Variants in SEMA3A observed in about 807,000 individuals in gnomAD.
The protein encoded by SEMA3A is semaphorin 3A.
SEMA3A carries 29 observed loss-of-function variants against 97.9 expected under a neutral mutation model. That is an observed-to-expected ratio of 0.30 (90% CI 0.22 to 0.40). The LOEUF is 0.40. SEMA3A is among the 10% of genes least tolerant of loss of function. The probability of loss-of-function intolerance (pLI) is 1.00; values close to 1 mark genes in which losing one functional copy is unlikely to be tolerated. For synonymous variants in SEMA3A, 321 were observed against 323.7 expected (o/e 0.99, Z 0.09); for missense variants, 763 against 951.3 (o/e 0.80, Z 2.60).
chr7:83,999,155 T>C (rs1790337615), intron 12 of SEMA3A, among the ~76,000 whole-genome samples: 1 of 152,152 alleles, frequency 6.6e-6, no homozygotes, highest in Admixed American at 6.5e-5. Context: ...ACCACTGTCA[T>C]ATGTGGGATT....
chr7:83,980,206 G>A (rs2116314812), intron 14 of SEMA3A, among the ~76,000 whole-genome samples: 1 of 152,114 alleles, frequency 6.6e-6, no homozygotes, highest in South Asian at 2.1e-4. Context: ...TTTTTGAAAG[G>A]GCTATTTTGT....
intron 3 of SEMA3A, among the ~76,000 whole-genome samples, chr7:84,279,787 G>T (rs1165775784): frequency 6.6e-6 from 1 of 152,164 alleles, no homozygotes; most frequent in African/African-American, 2.4e-5. Flanking sequence ...CTAATAGTTG[G>T]AAGCCAGTGT....
intron 1 of SEMA3A, among the ~76,000 whole-genome samples, chr7:84,486,674 C>T (rs1321675567): frequency 6.6e-6 from 1 of 152,096 alleles, no homozygotes; most frequent in African/African-American, 2.4e-5. Flanking sequence ...ACAAAGAGGA[C>T]CTGAGCCCCA....
At chr7:83,987,846 C>T (rs1183816789) in intron 12 of SEMA3A, among the ~76,000 whole-genome samples, 1 of 152,164 alleles carries the variant, frequency 6.6e-6, no homozygotes, top group East Asian at 1.9e-4. Context: ...GAATAGTCTA[C>T]ACTCACTGCT....
At chr7:83,967,293 A>C (rs1788735369) in intron 15 of SEMA3A, among the ~76,000 whole-genome samples, 1 of 152,200 alleles carries the variant, frequency 6.6e-6, no homozygotes, top group African/African-American at 2.4e-5. Flanking sequence ...CCACTGGCAT[A>C]AATTTTGTAC....
chr7:84,051,337 C>T (rs75654756), intron 5 of SEMA3A, among the ~76,000 whole-genome samples: 83,222 of 150,852 alleles, frequency 0.55, 24,745 homozygotes, highest in Non-Finnish European at 0.67. Flanking sequence ...TCTTCCTACC[C>T]ATGAGCATGG....
At position 84,308,824 on chromosome 7, in the gene SEMA3A, C is replaced by CTTTT. The variant is rs35125279; in HGVS notation, c.-168-1536_-168-1533dup. Among the ~76,000 whole-genome samples the CTTTT allele has an allele frequency of 3.8e-3, 554 of 144,924 alleles. 4 individuals are homozygous for CTTTT. Among genetic ancestry groups the CTTTT allele is most frequent in the African/African-American group, 9.5e-3 (373 of 39,092 alleles). On this transcript the variant is annotated intron_variant, in intron 2 of 3. Coordinates refer to the SEMA3A transcript ENST00000424555. The stretch of plus-strand genomic sequence containing the variant: ...ATGAGAGAAATATCACTTTTTTTTT[C>CTTTT]TTTTTTTTTTGAGATGGAGTTTCAC...
intron 1 of SEMA3A, among the ~76,000 whole-genome samples, chr7:84,142,598 G>C (rs1796325230): frequency 6.6e-6 from 1 of 152,104 alleles, no homozygotes; most frequent in African/African-American, 2.4e-5. Flanking sequence ...TTTTGGAAAA[G>C]TTTGTTACCT....
intron 1 of SEMA3A, among the ~76,000 whole-genome samples, chr7:84,154,144 T>A (rs2116136967): frequency 6.6e-6 from 1 of 152,246 alleles, no homozygotes; most frequent in East Asian, 1.9e-4. Flanking sequence ...GATAGAACCA[T>A]TTTTTAATAT....
At chr7:84,089,357 C>A (rs147056293) in intron 4 of SEMA3A, among the ~76,000 whole-genome samples, 1 of 151,972 alleles carries the variant, frequency 6.6e-6, no homozygotes, top group Non-Finnish European at 1.5e-5. Flanking sequence ...AATATGTCAA[C>A]AAGAGTAAGA....
intron 12 of SEMA3A, among the ~76,000 whole-genome samples, chr7:83,990,324 T>A (rs949273075): frequency 6.6e-6 from 1 of 152,134 alleles, no homozygotes; most frequent in Non-Finnish European, 1.5e-5. Context: ...TTAGTTTAAT[T>A]AGATCCCATT....
intron 6 of SEMA3A, among the ~76,000 whole-genome samples, chr7:84,024,530 A>G (rs1188237477): frequency 6.6e-6 from 1 of 151,932 alleles, no homozygotes; most frequent in African/African-American, 2.4e-5. Flanking sequence ...TGAGCAAGAG[A>G]GGAGACTCTG....
Position 83,956,723 on chromosome 7 carries a change from CTG to C in SEMA3A, c.*4646_*4647del, listed in dbSNP as rs374325770. 6.6e-6 allele frequency: 1 copy of C among 152,066 alleles called. No individual in the cohort carries two copies. Among genetic ancestry groups the C allele is most frequent in the Admixed American group, 6.6e-5 (1 of 15,252 alleles). The allele number at this position is 152,066 out of a possible 1,614,324, so 9.4% of individuals were successfully genotyped here. A position where few individuals can be genotyped will look rare whatever the true frequency, so the allele number is the denominator to read the frequency against. On this transcript the variant is annotated 3_prime_UTR_variant, in exon 17 of 17. Transcript: ENST00000265362. ...GACATTTAACTTTTCTTTATGAAAC[CTG>C]TGTTTTATCTGTTTGAATGCTTGTT...
intron 3 of SEMA3A, among the ~76,000 whole-genome samples, chr7:84,304,341 A>G (rs565444747): frequency 2.6e-5 from 4 of 152,118 alleles, no homozygotes; most frequent in African/African-American, 7.2e-5. Flanking sequence ...TCAATAATAC[A>G]ATTTTTGAGA....
intron 1 of SEMA3A, among the ~76,000 whole-genome samples, chr7:84,174,144 T>A (rs989325843): frequency 1.3e-5 from 2 of 150,994 alleles, no homozygotes; most frequent in East Asian, 3.9e-4. Context: ...TAGTGGCAAG[T>A]GAGTTGAAAA....
chr7:84,476,819 A>T (rs930081106), intron 1 of SEMA3A, among the ~76,000 whole-genome samples: 4 of 152,014 alleles, frequency 2.6e-5, no homozygotes, highest in African/African-American at 9.7e-5. Flanking sequence ...TTTGCTCTTC[A>T]CTGTGCTGAC....
intron 2 of SEMA3A, among the ~76,000 whole-genome samples, chr7:84,129,756 AAGT>A (rs974140585): frequency 1.3e-5 from 2 of 151,864 alleles, no homozygotes; most frequent in African/African-American, 4.8e-5. Flanking sequence ...AAATATTTAA[AAGT>A]AGCATGGTAT....
intron 4 of SEMA3A, among the ~76,000 whole-genome samples, chr7:84,061,153 A>G (rs1242962209): frequency 4.6e-5 from 7 of 152,192 alleles, no homozygotes; most frequent in Admixed American, 6.5e-5. Flanking sequence ...CACTTCTCTA[A>G]GAGGGAAATA....
At chr7:84,031,213 G>A (rs6967045) in intron 6 of SEMA3A, among the ~76,000 whole-genome samples, 59,243 of 151,358 alleles carry the variant, frequency 0.39, 12,874 homozygotes, top group Non-Finnish European at 0.5. Flanking sequence ...GGATAGTCTC[G>A]ATCTCCTGAC....
Sources: allele counts gnomAD v4.1 joint callset (sites outside exome capture counted in the v4.1 genomes callset), GRCh38; gene constraint gnomAD v4.1.1; transcripts MANE v1.5; gene names NCBI Gene and HGNC (gene_info 2026-07-23, HGNC 2026-07-21).